Variants in DLEU7 observed in about 807,000 individuals in gnomAD.
DLEU7 encodes the protein leukemia-associated protein 7.
Under a neutral mutation model 16.0 loss-of-function variants are expected in DLEU7, and 17 were observed. The ratio of observed to expected loss-of-function variants is 1.06; its 90% confidence interval spans 0.73 to 1.59. The LOEUF is 1.59. DLEU7 is among the 40% of genes most tolerant of loss of function. The pLI is 0.00. For synonymous variants in DLEU7, 113 were observed against 139.8 expected, an observed-to-expected ratio of 0.81 and a Z score of 1.35; for missense variants, 308 against 314.9, an observed-to-expected ratio of 0.98 and a Z score of 0.17.
chr13:50,814,678 T>TACACAC (rs59737244), intron 1 of DLEU7, among the ~76,000 whole-genome samples: 31 of 140,334 alleles, frequency 2.2e-4, no homozygotes, highest in East Asian at 9.2e-4. Context: ...TACATAGAAC[T>TACACAC]ACACACACAC....
At chr13:50,718,649 G>C (rs1393003281) in intron 1 of DLEU7, among the ~76,000 whole-genome samples, 1 of 152,128 alleles carries the variant, frequency 6.6e-6, no homozygotes, top group Non-Finnish European at 1.5e-5. Context: ...GATTTAAAAG[G>C]CTTCATCTAC....
intron 1 of DLEU7, among the ~76,000 whole-genome samples, chr13:50,839,195 G>A (rs2137817239): frequency 6.6e-6 from 1 of 152,334 alleles, no homozygotes; most frequent in South Asian, 2.1e-4. Flanking sequence ...TAATGTAGGA[G>A]AATAAGTTAG....
chr13:50,820,904 A>G (rs1278371735), downstream of DLEU7, among the ~76,000 whole-genome samples: 1 of 152,134 alleles, frequency 6.6e-6, no homozygotes, highest in Non-Finnish European at 1.5e-5. Flanking sequence ...AACAGTATCA[A>G]GATATTTTAG....
At chr13:50,786,968 C>T (rs893922562) in intron 1 of DLEU7, among the ~76,000 whole-genome samples, 2 of 152,044 alleles carry the variant, frequency 1.3e-5, no homozygotes, top group African/African-American at 4.8e-5. Flanking sequence ...CTTCCTTAAG[C>T]CTTGGAACTT....
intron 1 of DLEU7, among the ~76,000 whole-genome samples, chr13:50,797,398 C>T (rs1423478789): frequency 6.6e-6 from 1 of 152,164 alleles, no homozygotes; most frequent in Non-Finnish European, 1.5e-5. Context: ...ATAAGGGTTC[C>T]AGACACGGGA....
At chr13:50,774,986 C>T (rs1244184348) in intron 1 of DLEU7, among the ~76,000 whole-genome samples, 3 of 151,614 alleles carry the variant, frequency 2.0e-5, no homozygotes, top group Non-Finnish European at 4.4e-5. Context: ...TTTTTTTCAC[C>T]CATTATACCC....
intron 1 of DLEU7, among the ~76,000 whole-genome samples, chr13:50,797,734 G>A (rs554951477): frequency 4.6e-5 from 7 of 152,178 alleles, no homozygotes; most frequent in African/African-American, 1.4e-4. Context: ...TGCAAAATGC[G>A]GAGTACACTG....
chr13:50,766,174 T>A (rs1677388495), intron 1 of DLEU7, among the ~76,000 whole-genome samples: 1 of 152,174 alleles, frequency 6.6e-6, no homozygotes. Flanking sequence ...TAACCTATGT[T>A]GATTAAGTCA....
intron 1 of DLEU7, among the ~76,000 whole-genome samples, chr13:50,789,105 T>C (rs1030434962): frequency 6.6e-6 from 1 of 151,994 alleles, no homozygotes; most frequent in Non-Finnish European, 1.5e-5. Context: ...GAAGGTTGTC[T>C]GTTTTCTGCA....
chr13:50,715,259 C>T (rs1299168144), intron 1 of DLEU7, among the ~76,000 whole-genome samples: 1 of 152,174 alleles, frequency 6.6e-6, no homozygotes, highest in Admixed American at 6.5e-5. Context: ...TTATTTTGAG[C>T]CTACCCGATA....
At chr13:50,722,861 C>G (rs905448358) in intron 1 of DLEU7, among the ~76,000 whole-genome samples, 12 of 152,180 alleles carry the variant, frequency 7.9e-5, no homozygotes, top group Non-Finnish European at 1.5e-4. Context: ...TCTAATTTCT[C>G]CCAATAGTAG....
chr13:50,790,826 G>A (rs937528062), intron 1 of DLEU7, among the ~76,000 whole-genome samples: 13 of 152,138 alleles, frequency 8.5e-5, no homozygotes, highest in African/African-American at 3.1e-4. Context: ...GTGCATTCCC[G>A]AAGAACAACC....
Position 50,754,602 on chromosome 13 carries a change from T to G in DLEU7, c.460-41362A>C, listed in dbSNP as rs182154698. Among the ~76,000 whole-genome samples the G allele has an allele frequency of 1.8e-3, 281 of 152,336 alleles. 2 individuals carry two copies. Among genetic ancestry groups the G allele is most frequent in the African/African-American group, 6.2e-3 (258 of 41,570 alleles). ...TGAGTCTCCTGAAAGCAGCAGATAG[T>G]TGGTCAGTGAGTTCTTATCTATTCT... On this transcript the variant is annotated intron_variant, in intron 1 of 1. Transcript: ENST00000400393.
Position 50,823,078 on chromosome 13 carries a change from A to C in DLEU7, c.*236T>G. The C allele has an allele frequency of 7.8e-7, 1 of 1,275,230 alleles. No homozygotes were observed. Among genetic ancestry groups the C allele is most frequent in the Non-Finnish European group, 9.9e-7 (1 of 1,006,076 alleles). 79.0% of individuals were successfully genotyped at this position (1,275,230 alleles called of 1,614,324 possible). A position where few individuals can be genotyped will look rare whatever the true frequency, so the allele number is the denominator to read the frequency against. On this transcript the variant is annotated 3_prime_UTR_variant, in exon 2 of 2. Coordinates refer to ENST00000504404, the MANE Select transcript of DLEU7 (RefSeq NM_001306135.2). ...AAAGTAGAATGTATTTCAATCAGAA[A>C]GTCAGCAAATAGGTCAATATACTTA...
At chr13:50,724,955 C>T (rs994552496) in intron 1 of DLEU7, among the ~76,000 whole-genome samples, 7 of 152,150 alleles carry the variant, frequency 4.6e-5, no homozygotes, top group African/African-American at 1.7e-4. Context: ...TATATGTTCC[C>T]ACAACAAAGG....
Position 50,823,419 on chromosome 13 carries a change from T to C in DLEU7, c.561A>G (p.Thr187=). 1 of 1,535,948 alleles carries C rather than the reference T, an allele frequency of 6.5e-7. No individual in the cohort carries two copies. ...DLNAAHQCLK[T]IVKKLIQSLA... is the part of the protein sequence containing the mutation. ...GTGACTGAATCAGCTTCTTGACTAT[T>C]GTCTTCAAACACTGGTGGGCAGCAT... is the stretch of plus-strand genomic sequence containing the variant. The change falls in exon 2 of 2, where the codon ACA becomes ACG. Residue 187 remains threonine, a synonymous_variant. Transcript: ENST00000504404.
At chr13:50,814,546 T>C (rs1298252739) in intron 1 of DLEU7, among the ~76,000 whole-genome samples, 1 of 151,792 alleles carries the variant, frequency 6.6e-6, no homozygotes, top group Non-Finnish European at 1.5e-5. Flanking sequence ...AATGATTACA[T>C]GTCTAACATT....
chr13:50,802,769 T>C (rs1424471357), intron 1 of DLEU7, among the ~76,000 whole-genome samples: 1 of 152,198 alleles, frequency 6.6e-6, no homozygotes, highest in Non-Finnish European at 1.5e-5. Flanking sequence ...GAATTACTAA[T>C]TATATATGGA....
At chr13:50,820,007 G>C (rs1369224239), downstream of DLEU7, among the ~76,000 whole-genome samples, 2 of 152,124 alleles carry the variant, frequency 1.3e-5, no homozygotes, top group Non-Finnish European at 2.9e-5. Context: ...GTAAGCCAGT[G>C]AAGAAGTAAA....
Sources: allele counts gnomAD v4.1 joint callset (sites outside exome capture counted in the v4.1 genomes callset), GRCh38; gene constraint gnomAD v4.1.1; transcripts MANE v1.5; gene names NCBI Gene and HGNC (gene_info 2026-07-23, HGNC 2026-07-21).